Variants in BAHCC1 observed in about 807,000 individuals in gnomAD.
BAHCC1 encodes the protein BAH domain and coiled-coil containing 1.
In BAHCC1, 43 loss-of-function variants were observed where a neutral mutation model predicts 88.2. The observed-to-expected ratio is 0.49, with a 90% CI of 0.38 to 0.63. BAHCC1 has a LOEUF of 0.63. Among genes scored for constraint, BAHCC1 ranks in the 20% least tolerant of loss-of-function variants. The probability of loss-of-function intolerance (pLI) is 0.00; values close to 1 mark genes in which losing one functional copy is unlikely to be tolerated. For missense variants in BAHCC1, 3,023 were observed against 1,654.8 expected (o/e 1.83, Z -14.34); for synonymous variants, 1,510 against 745.5 (o/e 2.03, Z -16.71).
intron 23 of BAHCC1, 132 bp downstream of exon 23, chr17:81,459,736 T>C (rs564591821): frequency 3.6e-5 from 11 of 304,724 alleles, no homozygotes; most frequent in African/African-American, 2.6e-4. Context: ...AGTACGACAA[T>C]AAAATGAGCT....
intron 2 of BAHCC1, among the ~76,000 whole-genome samples, chr17:81,408,339 G>A (rs539605455): frequency 9.2e-5 from 14 of 152,174 alleles, no homozygotes; most frequent in Middle Eastern, 3.4e-3. Flanking sequence ...AGGCCTCTGC[G>A]CCTGGGGTCC....
At position 81,405,043 on chromosome 17, in the gene BAHCC1, GTGTTTTGTTTTTGTTTT is replaced by G. The variant is rs557057063; in HGVS notation, c.178+5145_178+5161del. Among the ~76,000 whole-genome samples the G allele has an allele frequency of 3.2e-3, 491 of 152,260 alleles. 3 individuals carry two copies. The highest frequency in any genetic ancestry group is 0.011 in the African/African-American group (465 of 41,546). On this transcript the variant is annotated intron_variant, in intron 2 of 27. Transcript: ENST00000675386. Reference sequence around the variant, plus strand: ...AGCTAGAATAGTAGCATCGTCTGGTGTGTTTTGTTTTTGTTTTTGTTTTGTTTTTGTTTTTTGAGACA... The same window carrying G: ...AGCTAGAATAGTAGCATCGTCTGGTGTGTTTTGTTTTTGTTTTTTGAGACA...
intron 2 of BAHCC1, among the ~76,000 whole-genome samples, chr17:81,419,788 CGTTTTTTTTTT>C (rs1466059739): frequency 9.8e-6 from 1 of 102,310 alleles, no homozygotes; most frequent in Non-Finnish European, 2.0e-5. Flanking sequence ...CTCAACGAGG[CGTTTTTTTTTT>C]TTTTTTTTTT....
chr17:81,458,188 GAGAGTGAGGTCAAGATCA>G lies in BAHCC1; in HGVS notation c.5070_5087del (p.Ser1690_Lys1695del), dbSNP rs2029900291. The G allele has an allele frequency of 1.4e-6, 1 of 723,514 alleles. No individual in the cohort carries two copies. The highest frequency in any genetic ancestry group is 1.5e-5 in the South Asian group (1 of 68,004). 44.8% of individuals were successfully genotyped at this position (723,514 alleles called of 1,614,324 possible). On this transcript the variant is annotated inframe_deletion, in exon 18 of 28. Transcript: ENST00000675386. ...AGGGGCCTGCCGCCTGTCCAGCCCT[GAGAGTGAGGTCAAGATCA>G]AGAGGCGGTCGGTGAAGGCCAAGGT...
chr17:81,416,474 T>TCCATGAGGATGG (rs1555648738), intron 2 of BAHCC1, among the ~76,000 whole-genome samples: 2 of 150,818 alleles, frequency 1.3e-5, no homozygotes, highest in South Asian at 2.1e-4. Context: ...TGTGTGTGTG[T>TCCATGAGGATGG]GTGTGTCCAT....
chr17:81,403,874 G>A lies in BAHCC1; in HGVS notation c.178+3957G>A, dbSNP rs1041375608. Among the ~76,000 whole-genome samples the A allele has an allele frequency of 3.3e-5, 5 of 152,340 alleles. No individual in the cohort carries two copies. In the South Asian group the frequency reaches 1.0e-3, roughly 32 times the overall value. ...GCCACGCCCGCCCCGCCGAAGCCCT[G>A]TTTGGAATGTGGGTTTCCCCCAGTG... On this transcript the variant is annotated intron_variant, in intron 2 of 27. Transcript: ENST00000675386.
chr17:81,432,286 T>C (rs2064269404), intron 3 of BAHCC1, among the ~76,000 whole-genome samples: 1 of 152,082 alleles, frequency 6.6e-6, no homozygotes, highest in Non-Finnish European at 1.5e-5. Context: ...CCTGTGTGCC[T>C]GTGTGTGGGG....
intron 2 of BAHCC1, among the ~76,000 whole-genome samples, chr17:81,423,566 C>T (rs895414466): frequency 3.3e-5 from 5 of 152,346 alleles, no homozygotes; most frequent in South Asian, 2.1e-4. Flanking sequence ...GCAGGCCCCC[C>T]GCCCCAGGTT....
intron 3 of BAHCC1, 30 bp from the exon 4 acceptor site, chr17:81,438,340 C>T (rs371777950): frequency 1.5e-4 from 120 of 777,212 alleles, no homozygotes; most frequent in Non-Finnish European, 2.3e-4. Context: ...CTGGGAGTTG[C>T]CTCTGCAACT....
chr17:81,399,931 C>G lies in BAHCC1; in HGVS notation c.178+14C>G. The G allele has an allele frequency of 7.4e-7, 1 of 1,353,232 alleles. No individual in the cohort carries two copies. Among genetic ancestry groups the G allele is most frequent in the Non-Finnish European group, 9.5e-7 (1 of 1,050,474 alleles). 83.8% of individuals were successfully genotyped at this position (1,353,232 alleles called of 1,614,324 possible). On this transcript the variant is annotated intron_variant, in intron 2 of 27. Transcript: ENST00000675386. This position sits in a 1 kb window ranked among gnomAD's most constrained non-coding sequence, Gnocchi z 4.5. ...CTTCGCACACAGGTCAGTGCTCGGC[C>G]GGGGCGGGCGCGGGACGGGAGCGTT...
chr17:81,452,748 G>A lies in BAHCC1; in HGVS notation c.4342G>A (p.Ala1448Thr). ...HERDESSRSP[A>T]RRGPGRPRKR... ...GAGAGACGAGAGTTCACGGAGCCCT[G>A]CACGGCGGGGGCCTGGCCGGCCGAG... The change falls in exon 14 of 28, where the codon GCA becomes ACA. Residue 1448 changes from alanine to threonine, a missense_variant. Ala to Thr is a moderately conservative substitution (Grantham distance 58). Transcript: ENST00000675386. 2 of 752,268 alleles carry A rather than the reference G, an allele frequency of 2.7e-6. No individual in the cohort carries two copies. Among genetic ancestry groups the A allele is most frequent in the East Asian group, 2.6e-5 (1 of 38,132 alleles). 46.6% of individuals were successfully genotyped at this position (752,268 alleles called of 1,614,324 possible). A position where few individuals can be genotyped will look rare whatever the true frequency, so the allele number is the denominator to read the frequency against.
At chr17:81,428,362 C>G (rs953554528) in intron 3 of BAHCC1, among the ~76,000 whole-genome samples, 2 of 152,136 alleles carry the variant, frequency 1.3e-5, no homozygotes, top group African/African-American at 4.8e-5. Flanking sequence ...GGCCTGGCAC[C>G]GGGGGAGCAG....
chr17:81,445,089 C>G lies in BAHCC1; in HGVS notation c.2746C>G (p.Pro916Ala). 1.3e-6 allele frequency: 1 copy of G among 771,050 alleles called. No individual in the cohort carries two copies. The highest frequency in any genetic ancestry group is 2.4e-6 in the Non-Finnish European group (1 of 414,802). 47.8% of individuals were successfully genotyped at this position (771,050 alleles called of 1,614,324 possible). The stretch of plus-strand genomic sequence containing the variant: ...GGGCCCCGCCTCTCACATGCAGCAC[C>G]CGGGCCAGCTCCCTGTGTACTCGAG... ...GRGPASHMQH[P>A]GQLPVYSRPQ... The change falls in exon 9 of 28, where the codon CCG becomes GCG. Residue 916 changes from proline (P) to alanine (A), a missense_variant. Physicochemically the swap from Pro to Ala is conservative, Grantham distance 27 (BLOSUM62 -1). Coordinates refer to ENST00000675386, the MANE Select transcript of BAHCC1 (RefSeq NM_001377448.1).
chr17:81,433,650 A>T (rs2064297197), intron 3 of BAHCC1, among the ~76,000 whole-genome samples: 2 of 139,972 alleles, frequency 1.4e-5, no homozygotes, highest in African/African-American at 5.5e-5. Context: ...TGCCCAGGGC[A>T]GGAGTCATCA....
chr17:81,458,592 C>T (rs1204125984), intron 18 of BAHCC1, 29 bp from the exon 19 acceptor site: 16 of 709,518 alleles, frequency 2.3e-5, no homozygotes, highest in Non-Finnish European at 3.4e-5. Flanking sequence ...ACCCTTGACT[C>T]AGCCCCTTCT....
chr17:81,462,062 G>A lies in BAHCC1; in HGVS notation c.7383+16G>A, dbSNP rs781808029. 1.1e-5 allele frequency: 8 copies of A among 732,328 alleles called. No individual in the cohort carries two copies. The highest frequency in any genetic ancestry group is 1.8e-5 in the Non-Finnish European group (7 of 393,388). 45.4% of individuals were successfully genotyped at this position (732,328 alleles called of 1,614,324 possible). ...TCCCACACAGGTAGGTCCAGCGGGA[G>A]GCGGGAGGAGCTCCTGGTTCCCAAG... On this transcript the variant is annotated intron_variant, in intron 26 of 27. Coordinates refer to ENST00000675386, the MANE Select transcript of BAHCC1 (RefSeq NM_001377448.1).
At chr17:81,419,853 G>T (rs1340795394) in intron 2 of BAHCC1, among the ~76,000 whole-genome samples, 1 of 149,260 alleles carries the variant, frequency 6.7e-6, no homozygotes, top group Non-Finnish European at 1.5e-5. Flanking sequence ...ATGCTGTCTC[G>T]GCGGCTCACT....
chr17:81,406,761 GTGGTGGCAGGCGC>G lies in BAHCC1; in HGVS notation c.178+6848_178+6860del, dbSNP rs1177630484. On this transcript the variant is annotated intron_variant, in intron 2 of 27. Coordinates refer to ENST00000675386, the MANE Select transcript of BAHCC1 (RefSeq NM_001377448.1). The stretch of plus-strand genomic sequence containing the variant: ...GGCGCTAGGTGTGCGCTGAGGGGAT[GTGGTGGCAGGCGC>G]TGGGGGCAGGCGGCGCCCAGGTCCT... 3.9e-5 allele frequency among the ~76,000 whole-genome samples: 6 copies of G among 152,352 alleles called. No homozygotes were observed. In the East Asian group the frequency reaches 9.7e-4, roughly 25 times the overall value.
chr17:81,436,569 C>T (rs1381170539), intron 3 of BAHCC1, among the ~76,000 whole-genome samples: 3 of 152,186 alleles, frequency 2.0e-5, no homozygotes, highest in African/African-American at 4.8e-5. Context: ...AAGGCCCTGC[C>T]CCTTGCCCTG....
Sources: allele counts gnomAD v4.1 joint callset (sites outside exome capture counted in the v4.1 genomes callset), GRCh38; gene constraint gnomAD v4.1.1; non-coding constraint Gnocchi (gnomAD v3.1); transcripts MANE v1.5; gene names NCBI Gene and HGNC (gene_info 2026-07-23, HGNC 2026-07-21).